BCR: variants seen among roughly 807,000 people sequenced by gnomAD.
BCR encodes the protein breakpoint cluster region protein.
In BCR, 58 loss-of-function variants were observed where a neutral mutation model predicts 138.6. The observed-to-expected ratio is 0.42, with a 90% CI of 0.34 to 0.52. BCR has a LOEUF of 0.52. Ranked by LOEUF, BCR falls within the 20% of genes least tolerant of loss-of-function variation. The pLI is 0.06. For missense variants in BCR, 1,599 were observed against 1,727.2 expected (o/e 0.93, Z 1.32); for synonymous variants, 786 against 730.1 (o/e 1.08, Z -1.23).
At chr22:23,245,600 G>A (rs111734997) in intron 1 of BCR, among the ~76,000 whole-genome samples, 4,540 of 152,194 alleles carry the variant, frequency 0.03, 232 homozygotes, top group African/African-American at 0.1. Context: ...GCAAGAAGGG[G>A]CAGCTGCCAG....
chr22:23,281,416 G>T (rs2073643163), intron 8 of BCR, among the ~76,000 whole-genome samples: 1 of 152,230 alleles, frequency 6.6e-6, no homozygotes, highest in Non-Finnish European at 1.5e-5. Context: ...TATGCAGGAA[G>T]CCTGTGCTGA....
Position 23,181,057 on chromosome 22 carries a change from C to T in BCR, c.97C>T (p.Gln33Ter), listed in dbSNP as rs2072244821. Residue 33 changes from glutamine (Q) to a stop codon, truncating the protein, a stop_gained, in exon 1 of 23, where the codon CAG becomes TAG. Transcript: ENST00000305877. LOFTEE classifies it high-confidence loss of function. ...GCTGCGCTCAGTGGGCGACATCGAG[C>T]AGGAGCTGGAGCGCTGCAAGGCCTC... ...MELRSVGDIE[Q>*]ELERCKASIR... 1.3e-6 allele frequency: 2 copies of T among 1,519,600 alleles called. No individual in the cohort carries two copies. Among genetic ancestry groups the T allele is most frequent in the African/African-American group, 1.4e-5 (1 of 70,678 alleles). The allele number at this position is 1,519,600 out of a possible 1,614,324, so 94.1% of individuals were successfully genotyped here.
intron 13 of BCR, 37 bp downstream of exon 13, chr22:23,289,658 G>A: frequency 1.3e-6 from 2 of 1,558,286 alleles, no homozygotes; most frequent in Non-Finnish European, 1.8e-6. Context: ...GGCACCTGCA[G>A]GGAGGGCAGG....
At position 23,313,966 on chromosome 22, in the gene BCR, A is replaced by C. The variant is rs1447496309; in HGVS notation, c.3458-2A>C. 7 of 1,613,666 alleles carry C rather than the reference A, an allele frequency of 4.3e-6. No homozygotes were observed. Among genetic ancestry groups the C allele is most frequent in the Admixed American group, 1.7e-5 (1 of 60,000 alleles). ...CAAGGAGTAACCCACCGCCTTCTGC[A>C]GCTCTTTCAGACCCGGTTGCAAAGG... On this transcript the variant is annotated splice_acceptor_variant, in intron 20 of 22. Transcript: ENST00000305877. LOFTEE classifies it high-confidence loss of function.
At chr22:23,264,247 C>G (rs1486794767) in intron 4 of BCR, 1 of 966,682 alleles carries the variant, frequency 1.0e-6, no homozygotes, top group South Asian at 1.3e-5. Flanking sequence ...CACACCTTCC[C>G]GCTGACGTCG....
intron 1 of BCR, among the ~76,000 whole-genome samples, chr22:23,194,069 C>T (rs1047755514): frequency 2.6e-5 from 4 of 152,224 alleles, no homozygotes; most frequent in Non-Finnish European, 5.9e-5. Flanking sequence ...AAGCCCTGCT[C>T]TGATTTTGTG....
intron 19 of BCR, among the ~76,000 whole-genome samples, chr22:23,312,171 A>T (rs2074015324): frequency 6.6e-6 from 1 of 152,208 alleles, no homozygotes; most frequent in Non-Finnish European, 1.5e-5. Context: ...TGCGGCAGGC[A>T]GAGGGCACTG....
chr22:23,310,833 C>T (rs1241962292), intron 18 of BCR, among the ~76,000 whole-genome samples: 11 of 151,966 alleles, frequency 7.2e-5, no homozygotes, highest in African/African-American at 1.2e-4. Flanking sequence ...CATTTGCTTC[C>T]CCAGGATGGA....
Position 23,300,447 on chromosome 22 carries a change from G to A in BCR, c.3012+5292G>A, listed in dbSNP as rs377679345. Among the ~76,000 whole-genome samples the A allele has an allele frequency of 1.5e-3, 236 of 152,354 alleles. 3 individuals are homozygous for A. The South Asian group carries it at 0.024, about 15-fold the overall frequency. ...TGGATTAACAGACATTCACCAGCAG[G>A]TGGACGCCTGGGTTCTTTCCAGTCT... On this transcript the variant is annotated intron_variant, in intron 16 of 22. Transcript: ENST00000305877.
At chr22:23,298,142 C>T (rs531015675) in intron 16 of BCR, among the ~76,000 whole-genome samples, 1 of 152,306 alleles carries the variant, frequency 6.6e-6, no homozygotes, top group Non-Finnish European at 1.5e-5. Context: ...TGGGGACTTG[C>T]AGCCAAGAAG....
At chr22:23,260,718 G>T (rs185029162) in intron 2 of BCR, among the ~76,000 whole-genome samples, 1 of 152,234 alleles carries the variant, frequency 6.6e-6, no homozygotes, top group Non-Finnish European at 1.5e-5. Flanking sequence ...CAAGAGTAAG[G>T]GTGGCCCTGG....
intron 11 of BCR, 51 bp downstream of exon 11, chr22:23,287,329 TCCTGGTTG>T: frequency 6.7e-7 from 1 of 1,482,916 alleles, no homozygotes. Flanking sequence ...TGGGATGGGC[TCCTGGTTG>T]CCTAATGGCA....
At chr22:23,280,149 G>A (rs1352932960) in intron 8 of BCR, among the ~76,000 whole-genome samples, 1 of 152,228 alleles carries the variant, frequency 6.6e-6, no homozygotes, top group Non-Finnish European at 1.5e-5. Context: ...TAAATTCTGA[G>A]GGGGACAGAA....
rs141268094 is a variant in BCR, at chr22:23,316,185, A to G, written c.*663A>G. 0.27 allele frequency: 30,741 copies of G among 112,242 alleles called. 4,469 individuals carry two copies. The highest frequency in any genetic ancestry group is 0.5 in the East Asian group (2,434 of 4,850). 7.0% of individuals were successfully genotyped at this position (112,242 alleles called of 1,614,324 possible). ...CAGCTCAGAAGGCCTGTGAAATGTC[A>G]GGGGACAGGACCCCCAGGGAGGGAA... is the stretch of plus-strand genomic sequence containing the variant. On this transcript the variant is annotated 3_prime_UTR_variant, in exon 23 of 23. Transcript: ENST00000305877.
At position 23,182,236 on chromosome 22, in the gene BCR, G is replaced by A. The variant is rs774792375; in HGVS notation, c.1276G>A (p.Ala426Thr). Residue 426 changes from alanine (A) to threonine (T), a missense_variant, in exon 1 of 23, where the codon GCA becomes ACA. Transcript: ENST00000305877. ...NDGEGAFHGD[A>T]DGSFGTPPGY... ...TGGCGAGGGCGCCTTCCATGGAGAC[G>A]CAGGTGAGTTCCTCACGCCACGTGC... 2 of 1,564,080 alleles carry A rather than the reference G, an allele frequency of 1.3e-6. No homozygotes were observed. The highest frequency in any genetic ancestry group is 1.7e-6 in the Non-Finnish European group (2 of 1,158,252).
At chr22:23,190,000 T>C (rs2072394133) in intron 1 of BCR, among the ~76,000 whole-genome samples, 1 of 152,224 alleles carries the variant, frequency 6.6e-6, no homozygotes, top group South Asian at 2.1e-4. Context: ...AACAGAAATA[T>C]ATTTTCTCAC....
At chr22:23,242,556 C>A (rs2073105404) in intron 1 of BCR, among the ~76,000 whole-genome samples, 1 of 152,214 alleles carries the variant, frequency 6.6e-6, no homozygotes, top group African/African-American at 2.4e-5. Flanking sequence ...GGAAAGCCGG[C>A]AGCTGAGTCA....
Position 23,181,476 on chromosome 22 carries a change from C to G in BCR, c.516C>G (p.Ala172=), listed in dbSNP as rs1332913504. The G allele has an allele frequency of 4.3e-6, 7 of 1,609,958 alleles. No individual in the cohort carries two copies. The highest frequency in any genetic ancestry group is 5.9e-6 in the Non-Finnish European group (7 of 1,177,770). The change falls in exon 1 of 23, where the codon GCC becomes GCG. Residue 172 remains alanine, a synonymous_variant. Coordinates refer to ENST00000305877, the MANE Select transcript of BCR (RefSeq NM_004327.4). The stretch of plus-strand genomic sequence containing the variant: ...GCCATGGCCAGCCCGGGGCGGACGC[C>G]GAGAAGCCCTTCTACGTGAACGTCG... ...RKGHGQPGAD[A]EKPFYVNVEF... is the part of the protein sequence containing the mutation.
chr22:23,314,789 C>A, intron 22 of BCR, 75 bp downstream of exon 22: 1 of 1,548,966 alleles, frequency 6.5e-7, no homozygotes, highest in Non-Finnish European at 8.9e-7. Flanking sequence ...ACCCCCAGTC[C>A]TGCCCATCTT....
Sources: allele counts gnomAD v4.1 joint callset (sites outside exome capture counted in the v4.1 genomes callset), GRCh38; gene constraint gnomAD v4.1.1; transcripts MANE v1.5; gene names NCBI Gene and HGNC (gene_info 2026-07-23, HGNC 2026-07-21).